The following TYMP variants were observed in gnomAD, a reference collection of about 807,000 sequenced individuals.
TYMP encodes thymidine phosphorylase.
TYMP carries 46 observed loss-of-function variants against 42.3 expected under a neutral mutation model. The observed-to-expected ratio is 1.09, with a 90% CI of 0.86 to 1.39. The LOEUF is 1.39. TYMP is among the 40% of genes most tolerant of loss of function. The pLI, the probability that TYMP is intolerant of heterozygous loss-of-function variation, is 0.00. For synonymous variants in TYMP, 363 were observed against 308.0 expected (o/e 1.18, Z -1.87); for missense variants, 837 against 677.6 (o/e 1.24, Z -2.61).
chr22:50,527,037 G>A (rs1376626438), intron 6 of TYMP, 128 bp downstream of exon 6: 3 of 831,114 alleles, frequency 3.6e-6, no homozygotes, highest in African/African-American at 1.7e-5. Context: ...AGGGACTTCG[G>A]GCAGAAGAGG....
Position 50,527,197 on chromosome 22 carries a change from G to C in TYMP, c.733C>G (p.Gln245Glu). ...KFGGAAVFPN[Q>E]EQARELAKTL... ...TTTGCCAGCTCCCGGGCCTGCTCCTGGTTGGGGAAGACGGCGGCCCCTCCG... is the reference window on the plus strand; with the variant it reads ...TTTGCCAGCTCCCGGGCCTGCTCCTCGTTGGGGAAGACGGCGGCCCCTCCG... The change falls in exon 6 of 10, where the codon CAG becomes GAG. Residue 245 changes from glutamine to glutamate, a missense_variant. Physicochemically the swap from Gln to Glu is conservative, Grantham distance 29. Coordinates refer to ENST00000252029, the MANE Select transcript of TYMP (RefSeq NM_001953.5). 1.2e-6 allele frequency: 2 copies of C among 1,613,478 alleles called. No individual in the cohort carries two copies. The highest frequency in any genetic ancestry group is 1.7e-6 in the Non-Finnish European group (2 of 1,180,010).
Position 50,529,616 on chromosome 22 carries a change from C to G in TYMP, c.94G>C (p.Glu32Gln). 2 of 1,612,936 alleles carry G rather than the reference C, an allele frequency of 1.2e-6. No homozygotes were observed. The highest frequency in any genetic ancestry group is 4.5e-5 in the East Asian group (2 of 44,868). ...ATCAGCTCCGGGAGCTGCTTGGGCT[C>G]TGGCGAAGGGTCGGGAAGTCCCTGG... ...GSQGLPDPSPEPKQLPELIRM... is the reference protein window; with the variant it reads ...GSQGLPDPSPQPKQLPELIRM... Residue 32 changes from glutamate to glutamine, a missense_variant, in exon 2 of 10, where the codon GAG becomes CAG. Transcript: ENST00000252029.
rs1344839231 is a variant in TYMP, at chr22:50,526,461, C to G, written c.944G>C (p.Trp315Ser). The change falls in exon 8 of 10, where the codon TGG becomes TCG. Residue 315 changes from tryptophan (W) to serine (S), a missense_variant. Physicochemically the swap from Trp to Ser is radical, Grantham distance 177 (BLOSUM62 -3). Coordinates refer to ENST00000252029, the MANE Select transcript of TYMP (RefSeq NM_001953.5). ...LVTTLGGALL[W>S]LSGHAGTQAQ... ...CTGAGTCCCCGCGTGTCCGCTGAGC[C>G]AGAGCAGGGCGCCCCCTGCGGGCGG... is the stretch of plus-strand genomic sequence containing the variant. 2 of 1,489,288 alleles carry G rather than the reference C, an allele frequency of 1.3e-6. No homozygotes were observed. Among genetic ancestry groups the G allele is most frequent in the Non-Finnish European group, 1.8e-6 (2 of 1,128,810 alleles). The allele number at this position is 1,489,288 out of a possible 1,614,324, so 92.3% of individuals were successfully genotyped here. A position where few individuals can be genotyped will look rare whatever the true frequency, so the allele number is the denominator to read the frequency against.
rs131803 is a variant in TYMP, at chr22:50,527,768, CTTTTT to C, written c.517-56_517-52del. 0.15 allele frequency: 181,520 copies of C among 1,189,120 alleles called. 298 individuals carry two copies. Among genetic ancestry groups the C allele is most frequent in the Middle Eastern group, 0.2 (712 of 3,614 alleles). The allele number at this position is 1,189,120 out of a possible 1,614,324, so 73.7% of individuals were successfully genotyped here. Reference sequence around the variant, plus strand: ...TGACTTATGGTAAATGACTTAGCAGCTTTTTTTTTTTTTTTTTTTTTTTCTGTGAA... The same window carrying C: ...TGACTTATGGTAAATGACTTAGCAGCTTTTTTTTTTTTTTTTTTCTGTGAA... On this transcript the variant is annotated intron_variant, in intron 4 of 9. Transcript: ENST00000252029.
rs1216242890 is a variant in TYMP, at chr22:50,526,484, C to T, written c.929-8G>A. The T allele has an allele frequency of 6.7e-7, 1 of 1,486,582 alleles. No homozygotes were observed. 92.1% of individuals were successfully genotyped at this position (1,486,582 alleles called of 1,614,324 possible). A position where few individuals can be genotyped will look rare whatever the true frequency, so the allele number is the denominator to read the frequency against. On this transcript the variant is annotated splice_region_variant and splice_polypyrimidine_tract_variant and intron_variant, in intron 7 of 9. Transcript: ENST00000252029. Reference sequence around the variant, plus strand: ...GCCAGAGCAGGGCGCCCCCTGCGGGCGGGGACGGGTCTTAGGCGCGGCCGG... The same window carrying T: ...GCCAGAGCAGGGCGCCCCCTGCGGGTGGGGACGGGTCTTAGGCGCGGCCGG...
intron 6 of TYMP, 44 bp from the exon 7 acceptor site, chr22:50,526,782 T>G: frequency 6.6e-7 from 1 of 1,525,158 alleles, no homozygotes; most frequent in East Asian, 2.5e-5. Context: ...GGCGGGGCCT[T>G]CTGCAGCCGG....
Position 50,527,169 on chromosome 22 carries a change from G to A in TYMP, c.761C>T (p.Thr254Met), listed in dbSNP as rs546251361. The A allele has an allele frequency of 6.2e-7, 1 of 1,612,104 alleles. No individual in the cohort carries two copies. Among genetic ancestry groups the A allele is most frequent in the South Asian group, 1.1e-5 (1 of 91,014 alleles). ...NQEQARELAK[T>M]LVGVGASLGL... ...GGGAAAGGCCACACCGCTCACCAGC[G>A]TCTTTGCCAGCTCCCGGGCCTGCTC... The change falls in exon 6 of 10, where the codon ACG becomes ATG. Residue 254 changes from threonine (T) to methionine (M), a missense_variant. Coordinates refer to ENST00000252029, the MANE Select transcript of TYMP (RefSeq NM_001953.5).
Position 50,529,261 on chromosome 22 carries a change from A to G in TYMP, c.292T>C (p.Ser98Pro). Residue 98 changes from serine to proline, a missense_variant, in exon 3 of 10, where the codon TCG (serine) becomes CCG (proline). Physicochemically the swap from Ser to Pro is moderately conservative, Grantham distance 74. Coordinates refer to ENST00000252029, the MANE Select transcript of TYMP (RefSeq NM_001953.5). ...TSVLTQALAQ[S>P]GQQLEWPEAW... The stretch of plus-strand genomic sequence containing the variant: ...TCTGGCCACTCCAGCTGCTGTCCCG[A>G]CTGAGCCAGGGCCTGGGTCAGCACC... 6.2e-7 allele frequency: 1 copy of G among 1,613,272 alleles called. No individual in the cohort carries two copies. The highest frequency in any genetic ancestry group is 8.5e-7 in the Non-Finnish European group (1 of 1,179,974).
At chr22:50,525,939 A>G in intron 9 of TYMP, 21 bp from the exon 10 acceptor site, 1 of 1,434,214 alleles carries the variant, frequency 7.0e-7, no homozygotes, top group Admixed American at 3.0e-5. Context: ...AGGGGCTGTT[A>G]GAGGCCGCGC....
At position 50,526,444 on chromosome 22, in the gene TYMP, C is replaced by G; in HGVS notation, c.961G>C (p.Gly321Arg). Residue 321 changes from glycine (G) to arginine (R), a missense_variant, in exon 8 of 10, where the codon GGG (glycine) becomes CGG (arginine). Transcript: ENST00000252029. ...GALLWLSGHA[G>R]TQAQGAARVA... is the part of the protein sequence containing the mutation. ...CGGGCAGCGCCCTGGGCCTGAGTCC[C>G]CGCGTGTCCGCTGAGCCAGAGCAGG... 1 of 1,498,276 alleles carries G rather than the reference C, an allele frequency of 6.7e-7. No individual in the cohort carries two copies. The highest frequency in any genetic ancestry group is 8.8e-7 in the Non-Finnish European group (1 of 1,132,968). 92.8% of individuals were successfully genotyped at this position (1,498,276 alleles called of 1,614,324 possible). A position where few individuals can be genotyped will look rare whatever the true frequency, so the allele number is the denominator to read the frequency against.
At chr22:50,528,879 C>G (rs547487030) in intron 3 of TYMP, 2 of 614,168 alleles carry the variant, frequency 3.3e-6, no homozygotes, top group East Asian at 2.7e-5. Context: ...TGTCTGGGGA[C>G]CCAAGGGGAA....
chr22:50,527,584 T>C lies in TYMP; in HGVS notation c.646+4A>G, dbSNP rs771047497. ...TGCAGAAGCAGGCCATGGAGTCAGG[T>C]CACCTGTGATGAGTGGCAGGCTGTC... On this transcript the variant is annotated splice_donor_region_variant and intron_variant, in intron 5 of 9. Coordinates refer to ENST00000252029, the MANE Select transcript of TYMP (RefSeq NM_001953.5). 18 of 1,613,670 alleles carry C rather than the reference T, an allele frequency of 1.1e-5. No homozygotes were observed. Among genetic ancestry groups the C allele is most frequent in the Non-Finnish European group, 1.4e-5 (16 of 1,179,976 alleles).
At position 50,527,632 on chromosome 22, in the gene TYMP, G is replaced by T. The variant is rs550422674; in HGVS notation, c.602C>A (p.Ala201Asp). Residue 201 changes from alanine to aspartate, a missense_variant, in exon 5 of 10, where the codon GCC becomes GAC. Ala to Asp is a moderately radical substitution (Grantham distance 126). Transcript: ENST00000252029. Reference protein sequence around the residue: ...LVPADGILYAARDVTATVDSL... With the variant: ...LVPADGILYADRDVTATVDSL... ...GTCCACGGTGGCTGTCACATCTCTG[G>T]CTGCATATAGGATTCCGTCCGCAGG... is the stretch of plus-strand genomic sequence containing the variant. 3.8e-5 allele frequency: 62 copies of T among 1,613,930 alleles called. 2 individuals are homozygous for T. In the South Asian group the frequency reaches 5.7e-4, roughly 15 times the overall value.
rs1275136706 is a variant in TYMP at position 50,526,018 on chromosome 22, C to T, written c.1283G>A (p.Gly428Asp). 1 of 1,471,554 alleles carries T rather than the reference C, an allele frequency of 6.8e-7. No homozygotes were observed. The highest frequency in any genetic ancestry group is 1.5e-5 in the African/African-American group (1 of 67,926). 91.2% of individuals were successfully genotyped at this position (1,471,554 alleles called of 1,614,324 possible). A position where few individuals can be genotyped will look rare whatever the true frequency, so the allele number is the denominator to read the frequency against. ...GVGAELLVDVGQRLRRGTPWL... is the reference protein window; with the variant it reads ...GVGAELLVDVDQRLRRGTPWL... ...GCGCTCACCACGGCGCAGCCTCTGA[C>T]CCACGTCGACCAGCAGCTCTGCGCC... The change falls in exon 9 of 10, where the codon GGT becomes GAT. Residue 428 changes from glycine to aspartate, a missense_variant. Transcript: ENST00000252029.
In TYMP at chr22:50,527,151, G is replaced by A. The variant is rs2069419267; in HGVS notation, c.765+14C>T. ...CATCAAGACGCTTGCCCAGGGAAAG[G>A]CCACACCGCTCACCAGCGTCTTTGC... On this transcript the variant is annotated intron_variant, in intron 6 of 9. Coordinates refer to ENST00000252029, the MANE Select transcript of TYMP (RefSeq NM_001953.5). The A allele has an allele frequency of 6.2e-7, 1 of 1,605,068 alleles. No homozygotes were observed. Among genetic ancestry groups the A allele is most frequent in the Non-Finnish European group, 8.5e-7 (1 of 1,173,782 alleles).
In TYMP at chr22:50,529,120, G is replaced by A. The variant is rs750379164; in HGVS notation, c.417+16C>T. The A allele has an allele frequency of 4.3e-6, 7 of 1,612,788 alleles. No individual in the cohort carries two copies. The highest frequency in any genetic ancestry group is 5.9e-6 in the Non-Finnish European group (7 of 1,179,862). ...TGCGGTATAGGCTCCCGTCTGGAAA[G>A]GAGGTGGTTTCTAACCTTGCAGCCA... On this transcript the variant is annotated intron_variant, in intron 3 of 9. Coordinates refer to ENST00000252029, the MANE Select transcript of TYMP (RefSeq NM_001953.5).
intron 2 of TYMP, 54 bp downstream of exon 2, chr22:50,529,442 C>G (rs1403559996): frequency 6.2e-7 from 1 of 1,608,734 alleles, no homozygotes; most frequent in Non-Finnish European, 8.5e-7. Flanking sequence ...GACCCAAAGT[C>G]TCTCGGGCTG....
intron 7 of TYMP, 35 bp downstream of exon 7, chr22:50,526,541 G>T: frequency 6.7e-7 from 1 of 1,488,830 alleles, no homozygotes. Flanking sequence ...AGCACCCCCC[G>T]CCGCCTCCGC....
rs780514188 is a variant in TYMP, at chr22:50,529,368, C to T, written c.215-30G>A. The T allele has an allele frequency of 1.9e-6, 3 of 1,611,188 alleles. No homozygotes were observed. In the African/African-American group the frequency reaches 4.0e-5, roughly 21 times the overall value. Reference sequence around the variant, plus strand: ...TATGTGGGGGTACGCGTGAGGGTGGCAGCCCACAGCGGTGGGGCACCCTGG... The same window carrying T: ...TATGTGGGGGTACGCGTGAGGGTGGTAGCCCACAGCGGTGGGGCACCCTGG... On this transcript the variant is annotated intron_variant, in intron 2 of 9. Transcript: ENST00000252029.
Sources: allele counts gnomAD v4.1 joint callset, GRCh38; gene constraint gnomAD v4.1.1; transcripts MANE v1.5; gene names NCBI Gene and HGNC (gene_info 2026-07-23, HGNC 2026-07-21).